Variants in CLEC19A observed in about 807,000 individuals in gnomAD.
CLEC19A encodes C-type lectin domain family 19 member A.
In CLEC19A, 21 loss-of-function variants were observed where a neutral mutation model predicts 26.1. The ratio of observed to expected loss-of-function variants is 0.80; its 90% confidence interval spans 0.57 to 1.16. The LOEUF (loss-of-function observed/expected upper bound fraction) is 1.16. Among genes scored for constraint, CLEC19A ranks in the 50% most tolerant of loss-of-function variants. CLEC19A has a pLI of 0.00. For synonymous variants in CLEC19A, 89 were observed against 88.6 expected (o/e 1.00, Z -0.03); for missense variants, 224 against 227.6 (o/e 0.98, Z 0.10).
At position 19,310,852 on chromosome 16, in the gene CLEC19A, T is replaced by A. The variant is rs1898055364; in HGVS notation, c.*1769T>A. 1 of 152,206 alleles carries A rather than the reference T, an allele frequency of 6.6e-6. No homozygotes were observed. Among genetic ancestry groups the A allele is most frequent in the African/African-American group, 2.4e-5 (1 of 41,448 alleles). 9.4% of individuals were successfully genotyped at this position (152,206 alleles called of 1,614,324 possible). On this transcript the variant is annotated 3_prime_UTR_variant, in exon 5 of 5. Transcript: ENST00000636231. Reference sequence around the variant, plus strand: ...TGAGGTGACAAAAATTATCTGCAATTAGATAGTGGTAATGGCTGCACAATA... The same window carrying A: ...TGAGGTGACAAAAATTATCTGCAATAAGATAGTGGTAATGGCTGCACAATA...
chr16:19,308,241 A>G (rs559011026), intron 4 of CLEC19A, among the ~76,000 whole-genome samples: 1 of 152,324 alleles, frequency 6.6e-6, no homozygotes, highest in East Asian at 1.9e-4. Flanking sequence ...GTGAGGATTA[A>G]AGGAGGCACA....
intron 2 of CLEC19A, 107 bp downstream of exon 2, chr16:19,298,945 T>A (rs1048400200): frequency 3.2e-6 from 4 of 1,246,804 alleles, no homozygotes; most frequent in East Asian, 2.6e-5. Flanking sequence ...TTGAAACTAT[T>A]TGAAAAAAAT....
intron 3 of CLEC19A, among the ~76,000 whole-genome samples, chr16:19,306,088 C>T (rs1897946999): frequency 6.6e-6 from 1 of 152,022 alleles, no homozygotes; most frequent in East Asian, 1.9e-4. Flanking sequence ...CGTGATCCGC[C>T]CGCCTCAGCC....
intron 3 of CLEC19A, among the ~76,000 whole-genome samples, chr16:19,307,109 G>A (rs1897973015): frequency 6.6e-6 from 1 of 152,190 alleles, no homozygotes; most frequent in South Asian, 2.1e-4. Context: ...GAAAACAGAT[G>A]GAAAGTGACT....
intron 2 of CLEC19A, among the ~76,000 whole-genome samples, chr16:19,300,904 G>C (rs372472841): frequency 6.6e-6 from 1 of 152,104 alleles, no homozygotes; most frequent in African/African-American, 2.4e-5. Flanking sequence ...CCAAGCCGAG[G>C]GGGAAAGAAA....
chr16:19,301,220 T>C (rs1194624211), intron 2 of CLEC19A, among the ~76,000 whole-genome samples: 1 of 152,216 alleles, frequency 6.6e-6, no homozygotes, highest in East Asian at 1.9e-4. Flanking sequence ...AGAAGGACCC[T>C]GAACATGGAG....
intron 3 of CLEC19A, chr16:19,305,108 G>A: frequency 6.6e-6 from 1 of 152,468 alleles, no homozygotes; most frequent in African/African-American, 2.4e-5. Flanking sequence ...ACAAGGCAGT[G>A]AATCCAAGGC....
chr16:19,308,289 G>T (rs1266745247), intron 4 of CLEC19A, among the ~76,000 whole-genome samples: 1 of 152,242 alleles, frequency 6.6e-6, no homozygotes, highest in Non-Finnish European at 1.5e-5. Flanking sequence ...GGACTCGGGA[G>T]TTGACTGCCC....
rs66894914 is a variant in CLEC19A at position 19,300,547 on chromosome 16, C to CA, written c.254+1725dup. On this transcript the variant is annotated intron_variant, in intron 2 of 4. Coordinates refer to ENST00000636231, the MANE Select transcript of CLEC19A (RefSeq NM_001256720.2). Reference sequence around the variant, plus strand: ...TAGGTGACAGAGCGAGATCCTATCTCAAAAAAAAAAAAAAAATAGAGAAGG... The same window carrying CA: ...TAGGTGACAGAGCGAGATCCTATCTCAAAAAAAAAAAAAAAAATAGAGAAGG... Among the ~76,000 whole-genome samples the CA allele has an allele frequency of 7.9e-3, 1,061 of 134,668 alleles. 6 individuals carry two copies. The highest frequency in any genetic ancestry group is 0.011 in the Non-Finnish European group (660 of 61,614). The allele number at this position is 134,668 out of a possible 152,430, so 88.3% of individuals were successfully genotyped here.
intron 3 of CLEC19A, among the ~76,000 whole-genome samples, chr16:19,307,195 A>G (rs148119616): frequency 6.6e-6 from 1 of 152,308 alleles, no homozygotes; most frequent in Non-Finnish European, 1.5e-5. Context: ...GATTCCCAGC[A>G]CTAATGCTTT....
intron 1 of CLEC19A, among the ~76,000 whole-genome samples, chr16:19,290,002 C>G (rs1243553643): frequency 6.6e-6 from 1 of 152,210 alleles, no homozygotes; most frequent in Non-Finnish European, 1.5e-5. Flanking sequence ...GCCTCCCCTC[C>G]TGGCTGGGTC....
At chr16:19,299,880 T>A (rs1360735314) in intron 2 of CLEC19A, among the ~76,000 whole-genome samples, 1 of 152,170 alleles carries the variant, frequency 6.6e-6, no homozygotes, top group African/African-American at 2.4e-5. Context: ...GAAACTACTT[T>A]AGAAAGGGGG....
chr16:19,292,110 A>G (rs1897603371), intron 1 of CLEC19A, among the ~76,000 whole-genome samples: 1 of 152,164 alleles, frequency 6.6e-6, no homozygotes, highest in Admixed American at 6.5e-5. Flanking sequence ...CATTTAATTA[A>G]TTATTAATTC....
At chr16:19,302,610 C>T (rs906130600) in intron 2 of CLEC19A, among the ~76,000 whole-genome samples, 5 of 152,278 alleles carry the variant, frequency 3.3e-5, no homozygotes, top group Middle Eastern at 3.4e-3. Flanking sequence ...CTTTTAGTGC[C>T]ATGTGGAAGC....
chr16:19,307,763 A>G, intron 4 of CLEC19A, 86 bp downstream of exon 4: 1 of 1,506,452 alleles, frequency 6.6e-7, no homozygotes, highest in Non-Finnish European at 8.9e-7. Context: ...TTGGGGGAAG[A>G]GGAGCACCTG....
chr16:19,307,512 G>A, intron 3 of CLEC19A, 33 bp from the exon 4 acceptor site: 1 of 1,545,734 alleles, frequency 6.5e-7, no homozygotes, highest in Non-Finnish European at 8.7e-7. Context: ...TTCTTGGCTT[G>A]CTTCTTTGTC....
At chr16:19,297,764 A>G (rs775478644) in intron 1 of CLEC19A, among the ~76,000 whole-genome samples, 7 of 152,172 alleles carry the variant, frequency 4.6e-5, no homozygotes, top group Non-Finnish European at 8.8e-5. Flanking sequence ...ACATTACATT[A>G]AAACATCACT....
chr16:19,286,051 G>A (rs894048069), intron 1 of CLEC19A, 112 bp downstream of exon 1: 30 of 982,304 alleles, frequency 3.1e-5, no homozygotes, highest in African/African-American at 1.8e-4. Context: ...GGCCTGACCC[G>A]AGTCTCCTGA....
intron 1 of CLEC19A, among the ~76,000 whole-genome samples, chr16:19,294,927 T>C (rs1567253045): frequency 6.6e-6 from 1 of 152,166 alleles, no homozygotes; most frequent in Non-Finnish European, 1.5e-5. Context: ...GCAGGGTTTC[T>C]CAGTCCTGGC....
Sources: allele counts gnomAD v4.1 joint callset (sites outside exome capture counted in the v4.1 genomes callset), GRCh38; gene constraint gnomAD v4.1.1; transcripts MANE v1.5; gene names NCBI Gene and HGNC (gene_info 2026-07-23, HGNC 2026-07-21).